Variants in SNX6 observed in about 807,000 individuals in gnomAD.
The protein encoded by SNX6 is sorting nexin-6.
A neutral mutation model predicts 63.0 loss-of-function variants in SNX6; 34 were observed. The ratio of observed to expected loss-of-function variants is 0.54; its 90% CI spans 0.41 to 0.72. SNX6 has a LOEUF of 0.72. Among genes scored for constraint, SNX6 ranks in the 30% least tolerant of loss-of-function variants. SNX6 has a pLI of 0.00. For missense variants in SNX6, 398 were observed against 471.4 expected, an observed-to-expected ratio of 0.84 and a Z score of 1.44; for synonymous variants, 170 against 164.2, an observed-to-expected ratio of 1.04 and a Z score of -0.27.
At chr14:34,588,587 A>C (rs1460638564) in intron 8 of SNX6, among the ~76,000 whole-genome samples, 6 of 152,204 alleles carry the variant, frequency 3.9e-5, no homozygotes, top group Non-Finnish European at 7.3e-5. Flanking sequence ...ATAAAAAACC[A>C]AATAATCAGG....
chr14:34,613,552 G>A (rs1883309044), intron 2 of SNX6, among the ~76,000 whole-genome samples: 1 of 152,184 alleles, frequency 6.6e-6, no homozygotes, highest in Non-Finnish European at 1.5e-5. Context: ...CAGCACTTTG[G>A]GAGGCTGAGG....
At chr14:34,582,582 G>C (rs1046418972) in intron 9 of SNX6, among the ~76,000 whole-genome samples, 1 of 151,768 alleles carries the variant, frequency 6.6e-6, no homozygotes, top group African/African-American at 2.4e-5. Flanking sequence ...ACTGAATCTC[G>C]CTTTCTTGCC....
At chr14:34,585,512 CCT>C (rs912825028) in intron 9 of SNX6, among the ~76,000 whole-genome samples, 3 of 151,990 alleles carry the variant, frequency 2.0e-5, no homozygotes, top group Non-Finnish European at 4.4e-5. Flanking sequence ...AGAATAAGAC[CCT>C]GTTTCAAAAC....
chr14:34,563,023 T>G lies in SNX6; in HGVS notation c.*99A>C. 1 of 1,233,466 alleles carries G rather than the reference T, an allele frequency of 8.1e-7. No homozygotes were observed. The allele number at this position is 1,233,466 out of a possible 1,614,324, so 76.4% of individuals were successfully genotyped here. ...TTGATGCACTTTTTCAGCTGCTTTT[T>G]GTTTGTTTCCAGTGAGCATAAATGC... is the stretch of plus-strand genomic sequence containing the variant. On this transcript the variant is annotated 3_prime_UTR_variant, in exon 14 of 14. Transcript: ENST00000362031.
intron 11 of SNX6, among the ~76,000 whole-genome samples, chr14:34,572,294 C>G (rs575891137): frequency 6.6e-6 from 1 of 152,068 alleles, no homozygotes. Context: ...AACAGTGGCT[C>G]ACAACTATAA....
At chr14:34,612,972 C>T (rs576126413) in intron 2 of SNX6, among the ~76,000 whole-genome samples, 1 of 147,570 alleles carries the variant, frequency 6.8e-6, no homozygotes, top group South Asian at 2.2e-4. Flanking sequence ...TGGTGTGAAC[C>T]TGGGAGGTGG....
intron 7 of SNX6, among the ~76,000 whole-genome samples, chr14:34,596,217 C>CA (rs1300623734): frequency 3.0e-3 from 383 of 127,192 alleles, no homozygotes; most frequent in Middle Eastern, 9.2e-3. Context: ...ATTCTGTCTC[C>CA]AAAAAAAAAA....
chr14:34,568,597 A>G (rs1031838140), intron 11 of SNX6: 5 of 627,074 alleles, frequency 8.0e-6, no homozygotes, highest in Non-Finnish European at 8.7e-6. Context: ...TCAGCCTGCT[A>G]AAGTGGATTA....
intron 9 of SNX6, among the ~76,000 whole-genome samples, chr14:34,582,318 A>G (rs8018701): frequency 0.86 from 130,412 of 151,652 alleles, 56,219 homozygotes; most frequent in Non-Finnish European, 0.88. Context: ...TTTTAGTAGA[A>G]ACAAGTTTTC....
intron 1 of SNX6, 70 bp from the exon 2 acceptor site, chr14:34,630,024 G>A (rs2138404752): frequency 6.8e-7 from 1 of 1,468,668 alleles, no homozygotes. Context: ...GGAGACATTA[G>A]TGACAGGCTG....
chr14:34,581,886 C>T (rs1594708280), intron 9 of SNX6, among the ~76,000 whole-genome samples: 2 of 151,956 alleles, frequency 1.3e-5, no homozygotes, highest in African/African-American at 2.4e-5. Context: ...CGGAGTGCAA[C>T]TGCGCAATCT....
intron 13 of SNX6, among the ~76,000 whole-genome samples, chr14:34,567,348 G>A (rs1490460636): frequency 3.3e-5 from 5 of 152,038 alleles, no homozygotes; most frequent in African/African-American, 1.2e-4. Context: ...TTACCCAGGT[G>A]TGGTGGCACA....
intron 2 of SNX6, among the ~76,000 whole-genome samples, chr14:34,611,179 G>C (rs1002742647): frequency 6.6e-6 from 1 of 152,112 alleles, no homozygotes; most frequent in African/African-American, 2.4e-5. Flanking sequence ...TTTTGGTAGA[G>C]AAGGGGTTTT....
chr14:34,609,347 G>T (rs1883134392), intron 3 of SNX6, among the ~76,000 whole-genome samples: 1 of 151,750 alleles, frequency 6.6e-6, no homozygotes, highest in South Asian at 2.1e-4. Context: ...CGGACATGGT[G>T]GTGGACGCCT....
At chr14:34,616,789 T>C (rs963467104) in intron 2 of SNX6, among the ~76,000 whole-genome samples, 7 of 152,100 alleles carry the variant, frequency 4.6e-5, no homozygotes, top group African/African-American at 1.7e-4. Flanking sequence ...AAAAATTTAA[T>C]CGGCTGGGTG....
At chr14:34,571,823 G>A (rs184803984) in intron 11 of SNX6, among the ~76,000 whole-genome samples, 1 of 152,266 alleles carries the variant, frequency 6.6e-6, no homozygotes, top group African/African-American at 2.4e-5. Flanking sequence ...TAAAGCTGCT[G>A]TGAACACCTG....
chr14:34,588,047 A>G (rs1223507206), intron 8 of SNX6, among the ~76,000 whole-genome samples: 3 of 148,058 alleles, frequency 2.0e-5, no homozygotes, highest in Non-Finnish European at 4.4e-5. Context: ...TCACTCTGTC[A>G]CCCAGGCTGG....
At chr14:34,614,052 A>T in intron 2 of SNX6, among the ~76,000 whole-genome samples, 1 of 152,042 alleles carries the variant, frequency 6.6e-6, no homozygotes, top group Non-Finnish European at 1.5e-5. Flanking sequence ...AGTTGCAGTG[A>T]GGTGAGATGG....
intron 8 of SNX6, 90 bp from the exon 9 acceptor site, chr14:34,586,395 GA>G (rs961542553): frequency 1.4e-6 from 1 of 726,524 alleles, no homozygotes; most frequent in African/African-American, 1.8e-5. Context: ...TGTGTAATAT[GA>G]GACACTCTAG....
Sources: allele counts gnomAD v4.1 joint callset (sites outside exome capture counted in the v4.1 genomes callset), GRCh38; gene constraint gnomAD v4.1.1; transcripts MANE v1.5; gene names NCBI Gene and HGNC (gene_info 2026-07-23, HGNC 2026-07-21).